TRIP12: variants seen among roughly 807,000 people sequenced by gnomAD.
TRIP12 encodes the protein E3 ubiquitin-protein ligase TRIP12.
TRIP12 carries 25 observed loss-of-function variants against 244.2 expected under a neutral mutation model. The observed-to-expected ratio is 0.10, with a 90% CI of 0.07 to 0.14. The LOEUF (loss-of-function observed/expected upper bound fraction) is 0.14, where lower values mean the gene tolerates loss of function less well. TRIP12 is among the 10% of genes least tolerant of loss of function. The pLI, the probability that TRIP12 is intolerant of heterozygous loss-of-function variation, is 1.00. For synonymous variants in TRIP12, 905 were observed against 873.1 expected (o/e 1.04, Z -0.64); for missense variants, 1,677 against 2,486.4 (o/e 0.67, Z 6.92).
chr2:229,871,621 C>A (rs187144097), intron 2 of TRIP12, among the ~76,000 whole-genome samples: 2 of 152,306 alleles, frequency 1.3e-5, no homozygotes, highest in Non-Finnish European at 2.9e-5. Context: ...GATGCCAGCG[C>A]CACACTTTTT....
chr2:229,875,152 A>G (rs932145628), intron 2 of TRIP12, among the ~76,000 whole-genome samples: 4 of 152,140 alleles, frequency 2.6e-5, no homozygotes, highest in Admixed American at 2.6e-4. Flanking sequence ...GCTAAGAAAA[A>G]TAATAGAAGA....
At chr2:229,794,913 A>C (rs1417933058) in intron 26 of TRIP12, 1 of 251,790 alleles carries the variant, frequency 4.0e-6, no homozygotes, top group Non-Finnish European at 7.4e-6. Flanking sequence ...GAAGTGTATC[A>C]ATTTAAGGAA....
chr2:229,811,849 T>C (rs2047323873), intron 13 of TRIP12, among the ~76,000 whole-genome samples: 1 of 152,218 alleles, frequency 6.6e-6, no homozygotes, highest in Admixed American at 6.5e-5. Flanking sequence ...GGAATTTTCA[T>C]ATGTAAAAAT....
intron 9 of TRIP12, among the ~76,000 whole-genome samples, chr2:229,817,201 G>T (rs541526975): frequency 6.6e-6 from 1 of 152,246 alleles, no homozygotes; most frequent in South Asian, 2.1e-4. Flanking sequence ...GGGACAATAT[G>T]ATGTATAAAT....
At chr2:229,902,994 GT>G (rs1266333400) in intron 1 of TRIP12, among the ~76,000 whole-genome samples, 6 of 95,554 alleles carry the variant, frequency 6.3e-5, no homozygotes, top group African/African-American at 2.3e-4. Context: ...CTGTGTGCGG[GT>G]TTTTTTTTCT....
At chr2:229,887,074 G>A (rs1195255718) in intron 1 of TRIP12, among the ~76,000 whole-genome samples, 2 of 152,064 alleles carry the variant, frequency 1.3e-5, no homozygotes, top group Admixed American at 6.6e-5. Context: ...AAATAATTAT[G>A]TATTTACCTT....
intron 25 of TRIP12, among the ~76,000 whole-genome samples, chr2:229,796,134 A>G (rs1323846808): frequency 1.3e-5 from 2 of 152,222 alleles, no homozygotes; most frequent in Non-Finnish European, 2.9e-5. Context: ...TCCACATTAT[A>G]AACGGTGACA....
At chr2:229,876,509 T>C (rs1443051805) in intron 2 of TRIP12, among the ~76,000 whole-genome samples, 2 of 152,246 alleles carry the variant, frequency 1.3e-5, no homozygotes, top group African/African-American at 2.4e-5. Context: ...GAGCATATTA[T>C]TGACTGGCTT....
chr2:229,785,883 A>T (rs373628449), intron 33 of TRIP12, 28 bp from the exon 34 acceptor site: 2 of 1,587,426 alleles, frequency 1.3e-6, no homozygotes, highest in East Asian at 2.2e-5. Context: ...CTGTCAGGAA[A>T]CTATGCTCTA....
upstream of TRIP12, among the ~76,000 whole-genome samples, chr2:229,922,929 G>A (rs2076806497): frequency 6.6e-6 from 1 of 152,192 alleles, no homozygotes; most frequent in Non-Finnish European, 1.5e-5. Flanking sequence ...TCTCCGGCTT[G>A]CGTGCGGCCT....
intron 2 of TRIP12, among the ~76,000 whole-genome samples, chr2:229,877,905 G>A (rs542322859): frequency 7.2e-5 from 11 of 152,214 alleles, no homozygotes; most frequent in African/African-American, 2.6e-4. Context: ...TATTACAGGA[G>A]GAATAATATT....
At chr2:229,811,746 C>G (rs149026464) in intron 13 of TRIP12, among the ~76,000 whole-genome samples, 47 of 152,172 alleles carry the variant, frequency 3.1e-4, no homozygotes, top group African/African-American at 9.6e-4. Context: ...GCATCACTGA[C>G]AAAACATTTG....
rs888694856 is a variant in TRIP12, at chr2:229,790,767, C to T, written c.4543+357G>A. 2.0e-5 allele frequency among the ~76,000 whole-genome samples: 3 copies of T among 152,236 alleles called. No homozygotes were observed. In the South Asian group the frequency reaches 6.2e-4, roughly 32 times the overall value. Reference sequence around the variant, plus strand: ...ATAATTGTACTACTGTCATGGGTGACAAATAAAAAATTAGGGGCCAATTGG... The same window carrying T: ...ATAATTGTACTACTGTCATGGGTGATAAATAAAAAATTAGGGGCCAATTGG... On this transcript the variant is annotated intron_variant, in intron 30 of 41. Coordinates refer to ENST00000675903, the MANE Select transcript of TRIP12 (RefSeq NM_001348323.3).
intron 23 of TRIP12, among the ~76,000 whole-genome samples, chr2:229,798,518 T>C (rs1169091836): frequency 2.0e-5 from 3 of 148,332 alleles, no homozygotes; most frequent in East Asian, 2.0e-4. Flanking sequence ...TTGTAATGGG[T>C]AGAGAAATTT....
chr2:229,851,321 T>A lies in TRIP12; in HGVS notation c.1027+7451A>T, dbSNP rs193144976. ...GGTTTGTGAATGCACCAATCGACAC[T>A]CTCTAGCTACTCTGGTGGAGCCTTG... On this transcript the variant is annotated intron_variant, in intron 4 of 41. Coordinates refer to ENST00000675903, the MANE Select transcript of TRIP12 (RefSeq NM_001348323.3). 2.1e-3 allele frequency among the ~76,000 whole-genome samples: 326 copies of A among 152,048 alleles called. 2 individuals carry two copies. Among genetic ancestry groups the A allele is most frequent in the African/African-American group, 7.0e-3 (289 of 41,468 alleles).
intron 5 of TRIP12, 63 bp from the exon 6 acceptor site, chr2:229,837,047 A>T: frequency 2.2e-6 from 3 of 1,379,104 alleles, no homozygotes; most frequent in Non-Finnish European, 2.8e-6. Flanking sequence ...TGTATACACA[A>T]CACAAAGCTC....
In TRIP12 at chr2:229,766,148, T is replaced by C. The variant is rs984903338; in HGVS notation, c.*1406A>G. The C allele has an allele frequency of 3.9e-5, 6 of 152,210 alleles. No individual in the cohort carries two copies. Among genetic ancestry groups the C allele is most frequent in the African/African-American group, 1.4e-4 (6 of 41,448 alleles). The allele number at this position is 152,210 out of a possible 1,614,324, so 9.4% of individuals were successfully genotyped here. ...AGCTCATCTCTTATTTTCAAGGAGATGAATTATGGAAAATTCCTTCAAATT... is the reference window on the plus strand; with the variant it reads ...AGCTCATCTCTTATTTTCAAGGAGACGAATTATGGAAAATTCCTTCAAATT... On this transcript the variant is annotated 3_prime_UTR_variant, in exon 42 of 42. Coordinates refer to ENST00000675903, the MANE Select transcript of TRIP12 (RefSeq NM_001348323.3).
At position 229,777,488 on chromosome 2, in the gene TRIP12, G is replaced by A. The variant is rs775403585; in HGVS notation, c.5365-9C>T. 2.5e-6 allele frequency: 4 copies of A among 1,613,392 alleles called. No homozygotes were observed. The highest frequency in any genetic ancestry group is 3.3e-4 in the Middle Eastern group (2 of 6,056). On this transcript the variant is annotated splice_polypyrimidine_tract_variant and intron_variant, in intron 36 of 41. Transcript: ENST00000675903. ...CCAAGGGGAAGGTCCACCTGAAATG[G>A]AATATGCATAATATTTTCACTGTCA...
intron 2 of TRIP12, among the ~76,000 whole-genome samples, chr2:229,878,073 G>C (rs550377336): frequency 6.6e-5 from 10 of 152,244 alleles, no homozygotes; most frequent in African/African-American, 2.4e-4. Context: ...CTATGAAATA[G>C]CTATCCCATT....
Sources: allele counts gnomAD v4.1 joint callset (sites outside exome capture counted in the v4.1 genomes callset), GRCh38; gene constraint gnomAD v4.1.1; transcripts MANE v1.5; gene names NCBI Gene and HGNC (gene_info 2026-07-23, HGNC 2026-07-21).